The following E2F7 variants were observed in gnomAD, a reference collection of about 807,000 sequenced individuals.
E2F7 encodes E2F transcription factor 7, also known as transcription factor E2F7.
Under a neutral mutation model 81.1 loss-of-function variants are expected in E2F7, and 35 were observed. The observed-to-expected ratio is 0.43, with a 90% CI of 0.33 to 0.57. The LOEUF is 0.57. Among genes scored for constraint, E2F7 ranks in the 20% least tolerant of loss-of-function variants. The probability of loss-of-function intolerance (pLI) is 0.04; values close to 1 mark genes in which losing one functional copy is unlikely to be tolerated. For missense variants in E2F7, 961 were observed against 1,093.7 expected (o/e 0.88, Z 1.71); for synonymous variants, 416 against 416.2 (o/e 1.00, Z 0.01).
At chr12:77,024,328 G>T (rs1954741174) in intron 12 of E2F7, 143 bp from the exon 13 acceptor site, 6 of 854,722 alleles carry the variant, frequency 7.0e-6, no homozygotes, top group Non-Finnish European at 8.6e-6. Flanking sequence ...CACTTACCCC[G>T]TTTGTCTCCC....
In E2F7 at chr12:77,030,426, G is replaced by C. The variant is rs796110945; in HGVS notation, c.1383-94C>G. 30 of 1,440,276 alleles carry C rather than the reference G, an allele frequency of 2.1e-5. No homozygotes were observed. In the African/African-American group the frequency reaches 3.4e-4, roughly 16 times the overall value. The allele number at this position is 1,440,276 out of a possible 1,614,324, so 89.2% of individuals were successfully genotyped here. On this transcript the variant is annotated intron_variant, in intron 9 of 12. Transcript: ENST00000322886. The stretch of plus-strand genomic sequence containing the variant: ...GACAGCCATGCCAAATCAAGAATGA[G>C]ATAATACTCCTCAGGCAGATACGAA...
intron 3 of E2F7, among the ~76,000 whole-genome samples, chr12:77,054,030 C>T (rs190190843): frequency 4.9e-4 from 74 of 151,826 alleles, no homozygotes; most frequent in African/African-American, 1.7e-3. Flanking sequence ...CACTGAGTAC[C>T]CCAAGACAGT....
chr12:77,049,255 C>T (rs1438316959), intron 4 of E2F7, among the ~76,000 whole-genome samples: 2 of 152,166 alleles, frequency 1.3e-5, no homozygotes, highest in South Asian at 4.1e-4. Context: ...TCAGTTGGCT[C>T]ACTTTCCCTT....
Position 77,023,479 on chromosome 12 carries a change from T to C in E2F7, c.*536A>G, listed in dbSNP as rs960645071. On this transcript the variant is annotated 3_prime_UTR_variant, in exon 13 of 13. Transcript: ENST00000322886. ...AAGTCGTCATACCCTGAAAAAAATG[T>C]GTTAAAGACTGTAGTTGTAAACTTT... 6.5e-6 allele frequency: 1 copy of C among 152,752 alleles called. No homozygotes were observed. The highest frequency in any genetic ancestry group is 2.4e-5 in the African/African-American group (1 of 41,458). 9.5% of individuals were successfully genotyped at this position (152,752 alleles called of 1,614,324 possible). A position where few individuals can be genotyped will look rare whatever the true frequency, so the allele number is the denominator to read the frequency against.
chr12:77,052,921 T>A (rs1210855483), intron 3 of E2F7, among the ~76,000 whole-genome samples: 3 of 152,048 alleles, frequency 2.0e-5, no homozygotes, highest in Non-Finnish European at 4.4e-5. Context: ...AGAAGCTTAA[T>A]CTCATGAGTA....
chr12:77,035,239 C>T (rs1461192425), intron 7 of E2F7, among the ~76,000 whole-genome samples: 2 of 152,148 alleles, frequency 1.3e-5, no homozygotes, highest in African/African-American at 2.4e-5. Context: ...AAAGTCAAGG[C>T]AGCTAGGGTT....
chr12:77,026,097 T>C, intron 11 of E2F7, 115 bp from the exon 12 acceptor site: 2 of 1,255,114 alleles, frequency 1.6e-6, no homozygotes, highest in South Asian at 3.2e-5. Context: ...CAATGAATGA[T>C]GAGACCTTCC....
chr12:77,030,281 G>A lies in E2F7; in HGVS notation c.1434C>T (p.Asp478=), dbSNP rs61758459. 16,910 of 1,590,012 alleles carry A rather than the reference G, an allele frequency of 0.011. 117 individuals are homozygous for A. Among genetic ancestry groups the A allele is most frequent in the Non-Finnish European group, 0.012 (14,398 of 1,166,174 alleles). The change falls in exon 10 of 13, where the codon GAC becomes GAT. Residue 478 remains aspartate, a synonymous_variant. Transcript: ENST00000322886. Reference sequence around the variant, plus strand: ...AGAGGACAGGGAAAGGAGCAACAGGGTCCAAGCTGCTTGATGGAGGCACCA... The same window carrying A: ...AGAGGACAGGGAAAGGAGCAACAGGATCCAAGCTGCTTGATGGAGGCACCA... ...KRVVPPSSSL[D]PVAPFPVLSV... is the part of the protein sequence containing the mutation.
At chr12:77,026,334 GCT>G (rs992695974) in intron 11 of E2F7, among the ~76,000 whole-genome samples, 10 of 152,172 alleles carry the variant, frequency 6.6e-5, no homozygotes, top group East Asian at 3.9e-4. Context: ...ACCCAGTCTT[GCT>G]CTGTTACCCA....
At chr12:77,049,173 C>T (rs1954965664) in intron 4 of E2F7, among the ~76,000 whole-genome samples, 1 of 152,086 alleles carries the variant, frequency 6.6e-6, no homozygotes, top group Non-Finnish European at 1.5e-5. Flanking sequence ...TCCATATACC[C>T]TCCCATTAGA....
intron 9 of E2F7, 94 bp downstream of exon 9, chr12:77,032,956 A>C (rs954714958): frequency 1.6e-6 from 2 of 1,224,916 alleles, no homozygotes; most frequent in African/African-American, 3.0e-5. Flanking sequence ...GGCTGACCTA[A>C]ATTTTTTCTT....
Position 77,023,789 on chromosome 12 carries a change from G to A in E2F7, c.*226C>T, listed in dbSNP as rs1592551384. On this transcript the variant is annotated 3_prime_UTR_variant, in exon 13 of 13. Transcript: ENST00000322886. ...TTGAATCAAAACCATAAGTCAGTCG[G>A]CGCTTTCACTGTGACACCATGCAGA... 1 of 499,682 alleles carries A rather than the reference G, an allele frequency of 2.0e-6. No individual in the cohort carries two copies. Among genetic ancestry groups the A allele is most frequent in the African/African-American group, 1.9e-5 (1 of 51,600 alleles). The allele number at this position is 499,682 out of a possible 1,614,324, so 31.0% of individuals were successfully genotyped here. A position where few individuals can be genotyped will look rare whatever the true frequency, so the allele number is the denominator to read the frequency against.
chr12:77,034,101 G>A lies in E2F7; in HGVS notation c.1124-59C>T, dbSNP rs878942120. 3.9e-4 allele frequency: 578 copies of A among 1,479,558 alleles called. 1 individual carries two copies. Among genetic ancestry groups the A allele is most frequent in the South Asian group, 3.8e-3 (289 of 75,324 alleles). The allele number at this position is 1,479,558 out of a possible 1,614,324, so 91.7% of individuals were successfully genotyped here. A position where few individuals can be genotyped will look rare whatever the true frequency, so the allele number is the denominator to read the frequency against. On this transcript the variant is annotated intron_variant, in intron 7 of 12. Transcript: ENST00000322886. The stretch of plus-strand genomic sequence containing the variant: ...ACAGCTGTAATTCAGGATAATTTTC[G>A]TCTATTTAAGAGATGGCTTTGAACC...
At chr12:77,024,924 G>C (rs1306598434) in intron 12 of E2F7, among the ~76,000 whole-genome samples, 2 of 152,118 alleles carry the variant, frequency 1.3e-5, no homozygotes, top group African/African-American at 4.8e-5. Context: ...TGTGTAATAG[G>C]AATTCAACGA....
At chr12:77,060,312 G>A (rs1592568533) in intron 2 of E2F7, among the ~76,000 whole-genome samples, 1 of 152,110 alleles carries the variant, frequency 6.6e-6, no homozygotes, top group Non-Finnish European at 1.5e-5. Context: ...GAGTTGCTGT[G>A]ATAATGAGCT....
chr12:77,043,248 A>C, intron 6 of E2F7, 49 bp from the exon 7 acceptor site: 1 of 1,609,458 alleles, frequency 6.2e-7, no homozygotes, highest in East Asian at 2.2e-5. Context: ...TGACACCATG[A>C]CAGTTTAGTT....
intron 7 of E2F7, among the ~76,000 whole-genome samples, chr12:77,034,293 A>T (rs1380589146): frequency 6.6e-6 from 1 of 152,198 alleles, no homozygotes; most frequent in African/African-American, 2.4e-5. Flanking sequence ...AATTATCTGA[A>T]TTGCAACAGA....
chr12:77,058,241 G>A (rs145145955), intron 2 of E2F7, among the ~76,000 whole-genome samples: 93 of 152,176 alleles, frequency 6.1e-4, no homozygotes, highest in Non-Finnish European at 9.6e-4. Flanking sequence ...TATGTGCCAC[G>A]CTCTGTTTCA....
chr12:77,025,772 C>A lies in E2F7; in HGVS notation c.2351G>T (p.Ser784Ile). ...ALPNTGPVNF[S>I]LPGLGSIAQL... ...GGCTATTGATCCAAGGCCAGGCAAGCTGAAATTCACAGGTCCTGTGTTTGG... is the reference window on the plus strand; with the variant it reads ...GGCTATTGATCCAAGGCCAGGCAAGATGAAATTCACAGGTCCTGTGTTTGG... The change falls in exon 12 of 13, where the codon AGC (serine) becomes ATC (isoleucine). Residue 784 changes from serine (S) to isoleucine (I), a missense_variant. Coordinates refer to ENST00000322886, the MANE Select transcript of E2F7 (RefSeq NM_203394.3). 6.2e-7 allele frequency: 1 copy of A among 1,614,038 alleles called. No homozygotes were observed. The highest frequency in any genetic ancestry group is 8.5e-7 in the Non-Finnish European group (1 of 1,180,018).
Sources: allele counts gnomAD v4.1 joint callset (sites outside exome capture counted in the v4.1 genomes callset), GRCh38; gene constraint gnomAD v4.1.1; transcripts MANE v1.5; gene names NCBI Gene and HGNC (gene_info 2026-07-23, HGNC 2026-07-21).